SLC15A2: variants seen among roughly 807,000 people sequenced by gnomAD.
SLC15A2 encodes solute carrier family 15 member 2.
Under a neutral mutation model 95.5 loss-of-function variants are expected in SLC15A2, and 77 were observed. The ratio of observed to expected loss-of-function variants is 0.81; its 90% CI spans 0.67 to 0.97. The LOEUF (loss-of-function observed/expected upper bound fraction) is 0.97. Ranked by LOEUF, SLC15A2 falls within the 50% of genes least tolerant of loss-of-function variation. The pLI is 0.00. For missense variants in SLC15A2, 893 were observed against 874.4 expected, an observed-to-expected ratio of 1.02 and a Z score of -0.27; for synonymous variants, 306 against 306.9, an observed-to-expected ratio of 1.00 and a Z score of 0.03.
In SLC15A2 at chr3:121,923,348, T is replaced by C. The variant is rs557831119; in HGVS notation, c.1002+82T>C. ...GGAAAAATTAATTTCTTTGTGATTT[T>C]GCCTGAAAACTAACAAGATCTTCAG... On this transcript the variant is annotated intron_variant, in intron 11 of 21. Transcript: ENST00000489711. 20 of 1,420,842 alleles carry C rather than the reference T, an allele frequency of 1.4e-5. No individual in the cohort carries two copies. In the East Asian group the frequency reaches 3.4e-4, roughly 24 times the overall value. 88.0% of individuals were successfully genotyped at this position (1,420,842 alleles called of 1,614,324 possible).
chr3:121,932,458 A>G (rs902762396), intron 19 of SLC15A2, among the ~76,000 whole-genome samples: 112 of 152,352 alleles, frequency 7.4e-4, no homozygotes, highest in African/African-American at 2.5e-3. Flanking sequence ...AGCATGTCAC[A>G]GTCTGAAATA....
chr3:121,936,751 T>G (rs1710356560), intron 19 of SLC15A2, among the ~76,000 whole-genome samples: 2 of 149,718 alleles, frequency 1.3e-5, no homozygotes, highest in Non-Finnish European at 1.5e-5. Context: ...ATTGGAGCAT[T>G]TAGTCCATTT....
chr3:121,894,674 T>C (rs539865576), intron 1 of SLC15A2, 93 bp downstream of exon 1: 2 of 832,708 alleles, frequency 2.4e-6, no homozygotes, highest in South Asian at 3.6e-5. Context: ...CTGAGCTGTA[T>C]TAGGGTATTA....
intron 3 of SLC15A2, among the ~76,000 whole-genome samples, chr3:121,905,929 T>C (rs377502259): frequency 6.6e-6 from 1 of 152,202 alleles, no homozygotes; most frequent in Non-Finnish European, 1.5e-5. Flanking sequence ...CATTGTTCTG[T>C]CTAATACTGA....
At position 121,911,641 on chromosome 3, in the gene SLC15A2, A is replaced by G; in HGVS notation, c.403A>G (p.Ile135Val). ...HVIKSLGALPILGGQVVHTVL... is the reference protein window; with the variant it reads ...HVIKSLGALPVLGGQVVHTVL... ...GATCAAGTCCTTGGGTGCCTTACCAATACTGGGAGGACAAGTGGTACACAC... is the reference window on the plus strand; with the variant it reads ...GATCAAGTCCTTGGGTGCCTTACCAGTACTGGGAGGACAAGTGGTACACAC... Residue 135 changes from isoleucine to valine, a missense_variant, in exon 4 of 22, where the codon ATA (isoleucine) becomes GTA (valine). Ile to Val is a conservative substitution (Grantham distance 29, BLOSUM62 3). Transcript: ENST00000489711. 1 of 1,613,116 alleles carries G rather than the reference A, an allele frequency of 6.2e-7. No individual in the cohort carries two copies. Among genetic ancestry groups the G allele is most frequent in the Non-Finnish European group, 8.5e-7 (1 of 1,179,058 alleles).
At chr3:121,902,081 C>T (rs1216002705) in intron 3 of SLC15A2, among the ~76,000 whole-genome samples, 1 of 152,088 alleles carries the variant, frequency 6.6e-6, no homozygotes, top group African/African-American at 2.4e-5. Context: ...CTCCCTATGC[C>T]AGGAAAGAAG....
intron 12 of SLC15A2, 22 bp downstream of exon 12, chr3:121,924,405 A>T: frequency 6.2e-7 from 1 of 1,608,248 alleles, no homozygotes; most frequent in Non-Finnish European, 8.5e-7. Flanking sequence ...TTCTATAGCC[A>T]TGGGGACTTA....
At position 121,914,602 on chromosome 3, in the gene SLC15A2, C is replaced by T. The variant is rs150738907; in HGVS notation, c.529-625C>T. ...AAATCTATTATTTAACTAAATCAGG[C>T]ATTCACTTAGTTAATACAGTCAATA... is the stretch of plus-strand genomic sequence containing the variant. On this transcript the variant is annotated intron_variant, in intron 5 of 21. Transcript: ENST00000489711. Among the ~76,000 whole-genome samples, 43 of 152,324 alleles carry T rather than the reference C, an allele frequency of 2.8e-4. No homozygotes were observed. The East Asian group carries it at 8.3e-3, about 29-fold the overall frequency.
At chr3:121,915,357 C>A in intron 6 of SLC15A2, 40 bp downstream of exon 6, 1 of 1,394,590 alleles carries the variant, frequency 7.2e-7, no homozygotes, top group South Asian at 1.2e-5. Flanking sequence ...AGGCTTTGCT[C>A]TGGTCAGCCA....
In SLC15A2 at chr3:121,915,645, T is replaced by C; in HGVS notation, c.649T>C (p.Tyr217His). The C allele has an allele frequency of 6.2e-7, 1 of 1,614,060 alleles. No homozygotes were observed. The highest frequency in any genetic ancestry group is 1.1e-5 in the South Asian group (1 of 91,086). The change falls in exon 7 of 22, where the codon TAT becomes CAT. Residue 217 changes from tyrosine (Y) to histidine (H), a missense_variant. By Grantham distance (83) the Tyr-to-His change is moderately conservative. Coordinates refer to ENST00000489711, the MANE Select transcript of SLC15A2 (RefSeq NM_021082.4). ...GDVQCFGEDC[Y>H]ALAFGVPGLL... ...TGTGCAATGTTTTGGAGAAGACTGC[T>C]ATGCATTGGCTTTTGGAGTTCCAGG...
At chr3:121,940,533 C>T (rs749404619) in intron 21 of SLC15A2, 45 bp downstream of exon 21, 2 of 1,485,812 alleles carry the variant, frequency 1.3e-6, no homozygotes, top group Non-Finnish European at 1.9e-6. Flanking sequence ...TCAAGTTTTT[C>T]CTCCAGCTTT....
chr3:121,916,458 GAA>G (rs1042963313), intron 7 of SLC15A2, among the ~76,000 whole-genome samples: 1 of 152,124 alleles, frequency 6.6e-6, no homozygotes, highest in Non-Finnish European at 1.5e-5. Flanking sequence ...CTCAACAGAG[GAA>G]AAACAGCCTA....
At chr3:121,922,434 G>C in intron 8 of SLC15A2, 132 bp downstream of exon 8, 1 of 673,200 alleles carries the variant, frequency 1.5e-6, no homozygotes, top group Non-Finnish European at 2.5e-6. Context: ...TTTTTAACAA[G>C]CTAAGATTAA....
chr3:121,931,014 T>A, intron 18 of SLC15A2, 64 bp downstream of exon 18: 1 of 1,043,812 alleles, frequency 9.6e-7, no homozygotes, highest in Non-Finnish European at 1.5e-6. Flanking sequence ...GTGCTATCTT[T>A]GTATATAGGT....
chr3:121,894,708 A>C, intron 1 of SLC15A2, 127 bp downstream of exon 1: 1 of 586,366 alleles, frequency 1.7e-6, no homozygotes, highest in Non-Finnish European at 2.9e-6. Context: ...TTGGATTTAG[A>C]ATTCACCTGA....
chr3:121,931,196 C>T (rs930916357), intron 18 of SLC15A2, among the ~76,000 whole-genome samples: 7 of 152,168 alleles, frequency 4.6e-5, no homozygotes, highest in Non-Finnish European at 8.8e-5. Context: ...GTATAGTTAA[C>T]ACAGTCCGTC....
rs899018655 is a variant in SLC15A2 at position 121,922,756 on chromosome 3, T to A, written c.781-19T>A. 1 of 1,596,412 alleles carries A rather than the reference T, an allele frequency of 6.3e-7. No individual in the cohort carries two copies. Among genetic ancestry groups the A allele is most frequent in the South Asian group, 1.1e-5 (1 of 90,264 alleles). On this transcript the variant is annotated intron_variant, in intron 8 of 21. Transcript: ENST00000489711. ...GTTTTTCTCTTTGTCTCTCCCATGA[T>A]GTCTACTCTCTGCCCTAGTTTGCTA...
At chr3:121,934,266 G>A (rs1193233245) in intron 19 of SLC15A2, among the ~76,000 whole-genome samples, 2 of 152,204 alleles carry the variant, frequency 1.3e-5, no homozygotes, top group African/African-American at 4.8e-5. Flanking sequence ...GGTTCCATAT[G>A]AACTGTAAAG....
chr3:121,925,581 T>C (rs925943526), intron 13 of SLC15A2, among the ~76,000 whole-genome samples: 3 of 150,538 alleles, frequency 2.0e-5, no homozygotes, highest in Non-Finnish European at 4.4e-5. Context: ...TGATGACCAC[T>C]TTACCAGATG....
Sources: allele counts gnomAD v4.1 joint callset (sites outside exome capture counted in the v4.1 genomes callset), GRCh38; gene constraint gnomAD v4.1.1; transcripts MANE v1.5; gene names NCBI Gene and HGNC (gene_info 2026-07-23, HGNC 2026-07-21).